The following MCM8 variants were observed in gnomAD, a reference collection of about 807,000 sequenced individuals.
MCM8 encodes the protein DNA helicase MCM8.
A neutral mutation model predicts 98.9 loss-of-function variants in MCM8; 85 were observed. That is an observed-to-expected ratio of 0.86 (90% confidence interval 0.72 to 1.03). The LOEUF (loss-of-function observed/expected upper bound fraction) is 1.03, where lower values mean the gene tolerates loss of function less well. Ranked by LOEUF, MCM8 falls within the 50% of genes least tolerant of loss-of-function variation. MCM8 has a pLI of 0.00. For synonymous variants in MCM8, 352 were observed against 338.6 expected, an observed-to-expected ratio of 1.04 and a Z score of -0.44; for missense variants, 951 against 997.8, an observed-to-expected ratio of 0.95 and a Z score of 0.63.
At chr20:5,956,062 C>T (rs538589365) in intron 5 of MCM8, among the ~76,000 whole-genome samples, 13 of 152,274 alleles carry the variant, frequency 8.5e-5, no homozygotes, top group Admixed American at 2.6e-4. Context: ...CCACCTTGCC[C>T]GGCCAAAAAC....
chr20:5,955,146 A>G lies in MCM8; in HGVS notation c.381A>G (p.Glu127=). The G allele has an allele frequency of 6.2e-7, 1 of 1,609,994 alleles. No homozygotes were observed. Among genetic ancestry groups the G allele is most frequent in the African/African-American group, 1.3e-5 (1 of 74,982 alleles). The change falls in exon 5 of 19, where the codon GAA becomes GAG. Residue 127 remains glutamate (E), a synonymous_variant. Transcript: ENST00000610722. ...RKGSILVDFK[E]LTEGGEVTNL... is the part of the protein sequence containing the mutation. ...GAAGTATTTTGGTAGATTTTAAAGA[A>G]CTGACAGAAGGTGGTGAAGTAACTA...
chr20:5,984,714 G>A (rs1008001198), intron 14 of MCM8, 67 bp from the exon 15 acceptor site: 11 of 1,309,908 alleles, frequency 8.4e-6, no homozygotes, highest in South Asian at 2.6e-5. Context: ...AAATAAGTGA[G>A]TAGACAGTTT....
At position 5,967,383 on chromosome 20, in the gene MCM8, G is replaced by T. The variant is rs2089297068; in HGVS notation, c.876-53G>T. On this transcript the variant is annotated intron_variant, in intron 8 of 18. Transcript: ENST00000610722. ...GTGAACCCTGAATAGTTAATATCTT[G>T]CAGAAACCATCCAAAGTAAGTATTC... 5 of 1,533,504 alleles carry T rather than the reference G, an allele frequency of 3.3e-6. No individual in the cohort carries two copies. The Admixed American group carries it at 8.6e-5, about 26-fold the overall frequency. 95.0% of individuals were successfully genotyped at this position (1,533,504 alleles called of 1,614,324 possible).
rs767749255 is a variant in MCM8, at chr20:5,984,764, T to C, written c.1734-17T>C. On this transcript the variant is annotated splice_polypyrimidine_tract_variant and intron_variant, in intron 14 of 18. Coordinates refer to ENST00000610722, the MANE Select transcript of MCM8 (RefSeq NM_032485.6). ...TTGATTCCAATCATTGTTTCTTCTTTCTTTCATCCTTCATAGAATGGGGAG... is the reference window on the plus strand; with the variant it reads ...TTGATTCCAATCATTGTTTCTTCTTCCTTTCATCCTTCATAGAATGGGGAG... 6.4e-7 allele frequency: 1 copy of C among 1,570,928 alleles called. No homozygotes were observed. The highest frequency in any genetic ancestry group is 2.2e-5 in the East Asian group (1 of 44,582).
At chr20:5,953,468 T>TGC (rs1555784893) in intron 3 of MCM8, among the ~76,000 whole-genome samples, 1 of 142,282 alleles carries the variant, frequency 7.0e-6, no homozygotes, top group Non-Finnish European at 1.6e-5. Flanking sequence ...TGTGTGTGTG[T>TGC]GTGCATACTT....
At chr20:5,973,950 C>G (rs1255679560) in intron 12 of MCM8, among the ~76,000 whole-genome samples, 2 of 151,994 alleles carry the variant, frequency 1.3e-5, no homozygotes, top group Non-Finnish European at 2.9e-5. Context: ...CCACCACGCT[C>G]TGTCCAAAGC....
chr20:5,960,523 C>T lies in MCM8; in HGVS notation c.789+1797C>T, dbSNP rs187582463. ...TGATTATATACATTAGATATTTTCT[C>T]CCAGTCTTTGGTTTGTCTTTTAACT... On this transcript the variant is annotated intron_variant, in intron 7 of 18. Transcript: ENST00000610722. Among the ~76,000 whole-genome samples the T allele has an allele frequency of 1.2e-3, 184 of 152,248 alleles. 1 individual carries two copies. The highest frequency in any genetic ancestry group is 4.4e-3 in the African/African-American group (181 of 41,570).
In MCM8 at chr20:5,993,431, G is replaced by A. The variant is rs1344671147; in HGVS notation, c.2241-75G>A. 23 of 1,269,102 alleles carry A rather than the reference G, an allele frequency of 1.8e-5. No homozygotes were observed. In the East Asian group the frequency reaches 5.1e-4, roughly 28 times the overall value. The allele number at this position is 1,269,102 out of a possible 1,614,324, so 78.6% of individuals were successfully genotyped here. Reference sequence around the variant, plus strand: ...GTGGCTACTTCCAAATTTTTCTTCTGTAACCTGAAAGCCCAGGACAACAAT... The same window carrying A: ...GTGGCTACTTCCAAATTTTTCTTCTATAACCTGAAAGCCCAGGACAACAAT... On this transcript the variant is annotated intron_variant, in intron 17 of 18. Transcript: ENST00000610722.
At position 5,994,416 on chromosome 20, in the gene MCM8, C is replaced by T. The variant is rs2089916132; in HGVS notation, c.*25C>T. On this transcript the variant is annotated 3_prime_UTR_variant, in exon 19 of 19. Coordinates refer to ENST00000610722, the MANE Select transcript of MCM8 (RefSeq NM_032485.6). Reference sequence around the variant, plus strand: ...AAAGGACTTCACCAAGTTAGGGCCTCCTGGGTTTATTGCAGATTAAAGCCA... The same window carrying T: ...AAAGGACTTCACCAAGTTAGGGCCTTCTGGGTTTATTGCAGATTAAAGCCA... 6.5e-7 allele frequency: 1 copy of T among 1,527,776 alleles called. No homozygotes were observed. The allele number at this position is 1,527,776 out of a possible 1,614,324, so 94.6% of individuals were successfully genotyped here. A position where few individuals can be genotyped will look rare whatever the true frequency, so the allele number is the denominator to read the frequency against.
At position 5,987,039 on chromosome 20, in the gene MCM8, C is replaced by T. The variant is rs753551337; in HGVS notation, c.2164-243C>T. ...ACAGGTCCTCACTTTGTTGCTCAGG[C>T]TGGTCTCGAACTCCTGGGCTCAAGT... On this transcript the variant is annotated intron_variant, in intron 16 of 18. Coordinates refer to ENST00000610722, the MANE Select transcript of MCM8 (RefSeq NM_032485.6). Among the ~76,000 whole-genome samples the T allele has an allele frequency of 2.4e-4, 37 of 152,130 alleles. No individual in the cohort carries two copies. In the South Asian group the frequency reaches 2.7e-3, roughly 11 times the overall value.
chr20:5,964,726 A>T (rs890999047), intron 8 of MCM8: 1 of 152,246 alleles, frequency 6.6e-6, no homozygotes, highest in African/African-American at 2.4e-5. Context: ...CGTGCAGGTT[A>T]GGTGGATGCC....
At chr20:5,967,775 C>A in intron 9 of MCM8, 55 bp from the exon 10 acceptor site, 1 of 1,460,490 alleles carries the variant, frequency 6.8e-7, no homozygotes, top group South Asian at 1.3e-5. Context: ...CTAGTTGAGT[C>A]ATTGTAGGGA....
intron 8 of MCM8, among the ~76,000 whole-genome samples, chr20:5,966,607 A>G (rs1341051561): frequency 6.6e-6 from 1 of 152,178 alleles, no homozygotes; most frequent in East Asian, 1.9e-4. Context: ...GAGGAATGAG[A>G]AAGTATTTGA....
At chr20:5,966,084 TGCTA>T (rs1335875901) in intron 8 of MCM8, among the ~76,000 whole-genome samples, 5 of 152,160 alleles carry the variant, frequency 3.3e-5, no homozygotes. Context: ...GCTAAGAGTT[TGCTA>T]GCTATTGAAG....
At chr20:5,956,107 G>A (rs536017715) in intron 5 of MCM8, among the ~76,000 whole-genome samples, 6 of 152,162 alleles carry the variant, frequency 3.9e-5, no homozygotes, top group African/African-American at 1.2e-4. Flanking sequence ...CATGCTTCAA[G>A]GTAATGAATA....
At chr20:5,984,728 A>G (rs1202062189) in intron 14 of MCM8, 53 bp from the exon 15 acceptor site, 7 of 1,436,138 alleles carry the variant, frequency 4.9e-6, no homozygotes, top group South Asian at 1.2e-5. Flanking sequence ...ACAGTTTTCT[A>G]GTTTTTCCTT....
In MCM8 at chr20:5,954,633, T is replaced by A. The variant is rs1277667347; in HGVS notation, c.279T>A (p.Ile93=). ...TTTACAGCGATAGCTCTCCTTTGAT[T>A]GAGAAGATTCAAGCATTTGAAAAAT... is the stretch of plus-strand genomic sequence containing the variant. The part of the protein sequence containing the change: ...SEVYSDSSPL[I]EKIQAFEKFF... The change falls in exon 4 of 19, where the codon ATT becomes ATA. Residue 93 remains isoleucine, a synonymous_variant. Coordinates refer to ENST00000610722, the MANE Select transcript of MCM8 (RefSeq NM_032485.6). 3 of 1,610,220 alleles carry A rather than the reference T, an allele frequency of 1.9e-6. No individual in the cohort carries two copies. Among genetic ancestry groups the A allele is most frequent in the Non-Finnish European group, 2.5e-6 (3 of 1,176,834 alleles).
At chr20:5,968,418 G>A (rs570334965) in intron 10 of MCM8, among the ~76,000 whole-genome samples, 3 of 152,100 alleles carry the variant, frequency 2.0e-5, no homozygotes, top group African/African-American at 4.8e-5. Flanking sequence ...GGTGGCGGGC[G>A]CCTGTAATCC....
intron 12 of MCM8, among the ~76,000 whole-genome samples, chr20:5,975,813 A>G (rs2089499735): frequency 6.6e-6 from 1 of 151,606 alleles, no homozygotes; most frequent in African/African-American, 2.4e-5. Context: ...TTTTTTAATA[A>G]ATGTTTCTTG....
Sources: allele counts gnomAD v4.1 joint callset (sites outside exome capture counted in the v4.1 genomes callset), GRCh38; gene constraint gnomAD v4.1.1; transcripts MANE v1.5; gene names NCBI Gene and HGNC (gene_info 2026-07-23, HGNC 2026-07-21).